DLG5: variants seen among roughly 807,000 people sequenced by gnomAD.
DLG5 encodes disks large homolog 5.
In DLG5, 48 loss-of-function variants were observed where a neutral mutation model predicts 189.8. That is an observed-to-expected ratio of 0.25 (90% CI 0.20 to 0.32). The LOEUF (loss-of-function observed/expected upper bound fraction) is 0.32. Ranked by LOEUF, DLG5 falls within the 10% of genes least tolerant of loss-of-function variation. DLG5 has a pLI of 1.00. For missense variants in DLG5, 2,160 were observed against 2,544.7 expected (o/e 0.85, Z 3.25); for synonymous variants, 1,016 against 1,054.1 (o/e 0.96, Z 0.70).
chr10:77,853,348 G>GCCTA lies in DLG5; in HGVS notation c.864+2_864+5dup, dbSNP rs1844072767. 1.3e-6 allele frequency: 2 copies of GCCTA among 1,522,232 alleles called. No homozygotes were observed. 94.3% of individuals were successfully genotyped at this position (1,522,232 alleles called of 1,614,324 possible). On this transcript the variant is annotated splice_donor_region_variant and intron_variant, in intron 5 of 31. Coordinates refer to ENST00000372391, the MANE Select transcript of DLG5 (RefSeq NM_004747.4). ...GAAATGGCCAGTCTCCAGGGGCTGGGCCTACCTGCTGCTGCTGGGCACGGA... is the reference window on the plus strand; with the variant it reads ...GAAATGGCCAGTCTCCAGGGGCTGGGCCTACCTACCTGCTGCTGCTGGGCACGGA...
chr10:77,933,156 A>G, the DLG5 span, among the ~76,000 whole-genome samples: 1 of 152,154 alleles, frequency 6.6e-6, no homozygotes, highest in Non-Finnish European at 1.5e-5. Context: ...TTGCCTTACC[A>G]ATCTCCTTGA....
chr10:77,903,226 G>C (rs543958069), intron 1 of DLG5, among the ~76,000 whole-genome samples: 1 of 152,226 alleles, frequency 6.6e-6, no homozygotes, highest in Admixed American at 6.5e-5. Context: ...TCAGGAGTTC[G>C]AGGCCAGCCT....
chr10:77,875,948 C>T (rs190990119), intron 1 of DLG5, among the ~76,000 whole-genome samples: 2 of 152,054 alleles, frequency 1.3e-5, no homozygotes, highest in Admixed American at 1.3e-4. Context: ...GGACAAGGCC[C>T]AGTATTTCAG....
intron 24 of DLG5, among the ~76,000 whole-genome samples, chr10:77,808,571 G>A (rs922319017): frequency 2.0e-5 from 3 of 152,160 alleles, no homozygotes; most frequent in African/African-American, 7.2e-5. Flanking sequence ...AGCCCAACTT[G>A]TGCCTTTATA....
At chr10:77,923,979 C>T (rs1341738678) in intron 1 of DLG5, among the ~76,000 whole-genome samples, 1 of 152,140 alleles carries the variant, frequency 6.6e-6, no homozygotes, top group Non-Finnish European at 1.5e-5. Flanking sequence ...ATTCTCCTGC[C>T]TCAGCCTCCC....
chr10:77,925,765 T>C (rs1237387905), intron 1 of DLG5, among the ~76,000 whole-genome samples: 1 of 152,174 alleles, frequency 6.6e-6, no homozygotes, highest in Non-Finnish European at 1.5e-5. Context: ...AAAAAGCAGT[T>C]GTGGCCCCGG....
chr10:77,809,909 A>G (rs1490363372), intron 23 of DLG5, among the ~76,000 whole-genome samples, 179 bp from the exon 24 acceptor site: 1 of 152,140 alleles, frequency 6.6e-6, no homozygotes, highest in African/African-American at 2.4e-5. Flanking sequence ...GCTAAGGTGC[A>G]CTGGAGATGA....
rs146317274 is a variant in DLG5, at chr10:77,908,883, C to T, written c.304+17334G>A. On this transcript the variant is annotated intron_variant, in intron 1 of 31. Transcript: ENST00000372391. The stretch of plus-strand genomic sequence containing the variant: ...AACACTTGCCATGTGCTATAAAGCA[C>T]AAAATGGAAGGTGAGAAGGAGGAAG... Among the ~76,000 whole-genome samples the T allele has an allele frequency of 4.9e-3, 738 of 152,050 alleles. 7 individuals carry two copies. Among genetic ancestry groups the T allele is most frequent in the African/African-American group, 0.017 (710 of 41,460 alleles).
intron 8 of DLG5, 85 bp downstream of exon 8, chr10:77,835,653 T>C: frequency 7.1e-7 from 1 of 1,399,230 alleles, no homozygotes. Flanking sequence ...ATACAGTAAA[T>C]GATTCCGACC....
At position 77,807,975 on chromosome 10, in the gene DLG5, G is replaced by A. The variant is rs200210307; in HGVS notation, c.4648-31C>T. 1.5e-4 allele frequency: 246 copies of A among 1,612,522 alleles called. 1 individual carries two copies. The highest frequency in any genetic ancestry group is 4.2e-4 in the Admixed American group (25 of 59,952). On this transcript the variant is annotated intron_variant, in intron 24 of 31. Transcript: ENST00000372391. ...AGGGATGGGGGTGGATGCATCAGAA[G>A]GCAGAAGCCAGGGGGCAGCTTGGGC... is the stretch of plus-strand genomic sequence containing the variant.
intron 27 of DLG5, among the ~76,000 whole-genome samples, chr10:77,803,798 G>C (rs565841627): frequency 6.5e-4 from 99 of 151,862 alleles, no homozygotes; most frequent in African/African-American, 2.3e-3. Flanking sequence ...AAGGAGCAGA[G>C]GGCACAAGAG....
chr10:77,821,439 A>AG lies in DLG5; in HGVS notation c.3044dup (p.Pro1016SerfsTer8). The AG allele has an allele frequency of 6.2e-7, 1 of 1,606,198 alleles. No homozygotes were observed. Among genetic ancestry groups the AG allele is most frequent in the Non-Finnish European group, 8.5e-7 (1 of 1,177,224 alleles). On this transcript the variant is annotated frameshift_variant, in exon 15 of 32. Transcript: ENST00000372391. LOFTEE classifies it high-confidence loss of function. Reference sequence around the variant, plus strand: ...ACTTAATGGAGTCGCTCCTTCTGGGAGGTTTTGGGGGTGTCAGAGGCCCCG... The same window carrying AG: ...ACTTAATGGAGTCGCTCCTTCTGGGAGGGTTTTGGGGGTGTCAGAGGCCCCG...
chr10:77,795,095 G>A, intron 29 of DLG5, 137 bp from the exon 30 acceptor site: 3 of 641,076 alleles, frequency 4.7e-6, no homozygotes, highest in Non-Finnish European at 8.1e-6. Context: ...AGTACACCGT[G>A]GGGAAACCAT....
intron 1 of DLG5, among the ~76,000 whole-genome samples, chr10:77,893,675 C>T (rs1052064481): frequency 6.6e-6 from 1 of 152,206 alleles, no homozygotes; most frequent in Non-Finnish European, 1.5e-5. Context: ...TGCTTGGGGG[C>T]AGAATGACAT....
At chr10:77,827,224 T>C (rs1029061555) in intron 13 of DLG5, among the ~76,000 whole-genome samples, 1 of 152,134 alleles carries the variant, frequency 6.6e-6, no homozygotes, top group Admixed American at 6.5e-5. Flanking sequence ...CATTTTCAGT[T>C]TTTGTTTTTT....
intron 27 of DLG5, among the ~76,000 whole-genome samples, chr10:77,798,053 G>T (rs1006880008): frequency 2.6e-5 from 4 of 152,066 alleles, no homozygotes; most frequent in Admixed American, 1.3e-4. Flanking sequence ...CGGGTGTGCT[G>T]GCGCACACCT....
rs1302233481 is a variant in DLG5, at chr10:77,841,755, C to T, written c.1437+126G>A. On this transcript the variant is annotated intron_variant, in intron 7 of 31. Transcript: ENST00000372391. ...TCTGATAACCCAGCTTGCACTTAGG[C>T]CTCCAGTGAGAAGCCATTTACTCCA... is the stretch of plus-strand genomic sequence containing the variant. The T allele has an allele frequency of 8.3e-6, 9 of 1,088,058 alleles. No homozygotes were observed. In the Admixed American group the frequency reaches 2.2e-4, roughly 26 times the overall value. The allele number at this position is 1,088,058 out of a possible 1,614,324, so 67.4% of individuals were successfully genotyped here.
chr10:77,902,484 A>G (rs1845954488), intron 1 of DLG5, among the ~76,000 whole-genome samples: 1 of 152,238 alleles, frequency 6.6e-6, no homozygotes. Flanking sequence ...AAGTACAGAA[A>G]AAATGGGAAA....
Position 77,866,403 on chromosome 10 carries a change from T to A in DLG5, c.373+2726A>T, listed in dbSNP as rs150542745. Among the ~76,000 whole-genome samples, 359 of 152,280 alleles carry A rather than the reference T, an allele frequency of 2.4e-3. 2 individuals carry two copies. The highest frequency in any genetic ancestry group is 0.023 in the South Asian group (113 of 4,822). On this transcript the variant is annotated intron_variant, in intron 2 of 31. Coordinates refer to ENST00000372391, the MANE Select transcript of DLG5 (RefSeq NM_004747.4). Reference sequence around the variant, plus strand: ...CCCCAGTGGTCCAGCGACCAGGCTTTGTGAGCCACTGGTTTCGGCACAAAC... The same window carrying A: ...CCCCAGTGGTCCAGCGACCAGGCTTAGTGAGCCACTGGTTTCGGCACAAAC...
Sources: allele counts gnomAD v4.1 joint callset (sites outside exome capture counted in the v4.1 genomes callset), GRCh38; gene constraint gnomAD v4.1.1; transcripts MANE v1.5; gene names NCBI Gene and HGNC (gene_info 2026-07-23, HGNC 2026-07-21).